CTBP1: variants seen among roughly 807,000 people sequenced by gnomAD.
The protein encoded by CTBP1 is C-terminal-binding protein 1.
CTBP1 carries 11 observed loss-of-function variants against 42.1 expected under a neutral mutation model. That is an observed-to-expected ratio of 0.26 (90% CI 0.16 to 0.43). The LOEUF (loss-of-function observed/expected upper bound fraction) is 0.43. Among genes scored for constraint, CTBP1 ranks in the 20% least tolerant of loss-of-function variants. The probability of loss-of-function intolerance (pLI) is 1.00; values close to 1 mark genes in which losing one functional copy is unlikely to be tolerated. For synonymous variants in CTBP1, 324 were observed against 277.1 expected, an observed-to-expected ratio of 1.17 and a Z score of -1.68; for missense variants, 399 against 624.3, an observed-to-expected ratio of 0.64 and a Z score of 3.85.
chr4:1,214,168 A>C, intron 7 of CTBP1, 175 bp downstream of exon 7: 1 of 807,552 alleles, frequency 1.2e-6, no homozygotes, highest in Non-Finnish European at 1.8e-6. Context: ...AGGCAGGCCT[A>C]GAGCCCGTGG....
chr4:1,213,658 G>T lies in CTBP1; in HGVS notation c.861-53C>A, dbSNP rs1032846198. The T allele has an allele frequency of 6.9e-6, 11 of 1,584,356 alleles. No homozygotes were observed. In the South Asian group the frequency reaches 1.2e-4, roughly 18 times the overall value. On this transcript the variant is annotated intron_variant, in intron 7 of 9. Coordinates refer to ENST00000382952, the MANE Select transcript of CTBP1 (RefSeq NM_001012614.2). ...CAGCCTGAGTGCTGTGGCTGGGTACGGAGGGGAGGTGGCTGGGCACTGGAA... is the reference window on the plus strand; with the variant it reads ...CAGCCTGAGTGCTGTGGCTGGGTACTGAGGGGAGGTGGCTGGGCACTGGAA...
chr4:1,212,768 C>T, intron 9 of CTBP1, 145 bp downstream of exon 9: 2 of 712,614 alleles, frequency 2.8e-6, no homozygotes, highest in East Asian at 5.4e-5. Flanking sequence ...ATGGGCCTTT[C>T]AGGTGAGGTT....
intron 9 of CTBP1, 47 bp from the exon 10 acceptor site, chr4:1,212,470 GC>G: frequency 2.9e-6 from 4 of 1,387,786 alleles, no homozygotes; most frequent in Non-Finnish European, 2.8e-6. Context: ...AGGCGGCCTG[GC>G]CAGGCCCCAC....
In CTBP1 at chr4:1,213,510, T is replaced by G; in HGVS notation, c.956A>C (p.Glu319Ala). 1 of 1,612,238 alleles carries G rather than the reference T, an allele frequency of 6.2e-7. No homozygotes were observed. Among genetic ancestry groups the G allele is most frequent in the Non-Finnish European group, 8.5e-7 (1 of 1,179,708 alleles). Residue 319 changes from glutamate (E) to alanine (A), a missense_variant, in exon 8 of 10, where the codon GAG becomes GCG. Around this residue, in one of 4 missense-constraint regions of CTBP1, gnomAD observed 309 missense variants for 497.5 expected, o/e 0.62. Coordinates refer to ENST00000382952, the MANE Select transcript of CTBP1 (RefSeq NM_001012614.2). ...GGCTCTGCGGATCTCCCGTGCCGCC[T>G]CCTCTCGCATCTCGATGGATGCCTG... ...SEQASIEMREEAAREIRRAIT... is the reference protein window; with the variant it reads ...SEQASIEMREAAAREIRRAIT...
chr4:1,248,488 C>A (rs888352648), intron 1 of CTBP1, among the ~76,000 whole-genome samples: 20 of 150,670 alleles, frequency 1.3e-4, no homozygotes, highest in Non-Finnish European at 2.7e-4. Context: ...GAGCTGCGCA[C>A]GGCTCCCGCC....
intron 1 of CTBP1, chr4:1,248,566 A>T (rs1221560406): frequency 1.1e-5 from 6 of 531,414 alleles, no homozygotes; most frequent in African/African-American, 2.1e-5. Context: ...GGGGATCGGG[A>T]CCCGGGGTGC....
At chr4:1,245,331 C>T (rs1274778609) in intron 1 of CTBP1, 3 of 985,324 alleles carry the variant, frequency 3.0e-6, no homozygotes, top group Non-Finnish European at 3.6e-6. Flanking sequence ...GTTTGTTCAG[C>T]GAGCACATGC....
At position 1,233,958 on chromosome 4, in the gene CTBP1, T is replaced by A. The variant is rs1731224065; in HGVS notation, c.162+4225A>T. 6.6e-6 allele frequency among the ~76,000 whole-genome samples: 1 copy of A among 152,230 alleles called. No individual in the cohort carries two copies. Among genetic ancestry groups the A allele is most frequent in the Admixed American group, 6.5e-5 (1 of 15,282 alleles). On this transcript the variant is annotated intron_variant, in intron 3 of 9. Transcript: ENST00000382952. The surrounding 1 kb of genome is among the most constrained non-coding windows in gnomAD (Gnocchi z 4.6). The stretch of plus-strand genomic sequence containing the variant: ...CACAGCCACGAGGGTCCCTGCCTCC[T>A]GCCTTGTTGCTCCACGGTTCCCAGC...
chr4:1,226,824 G>A (rs1730399567), intron 4 of CTBP1, among the ~76,000 whole-genome samples: 1 of 151,350 alleles, frequency 6.6e-6, no homozygotes, highest in Non-Finnish European at 1.5e-5. Flanking sequence ...GCCCATGGGC[G>A]CCGGCGGAAG....
intron 5 of CTBP1, among the ~76,000 whole-genome samples, chr4:1,223,007 TG>T (rs1729922212): frequency 6.6e-6 from 1 of 151,988 alleles, no homozygotes; most frequent in South Asian, 2.1e-4. Context: ...GGACAGGCGG[TG>T]ACCTGCAGGC....
intron 5 of CTBP1, chr4:1,223,516 G>A (rs937765593): frequency 6.4e-5 from 29 of 455,862 alleles, no homozygotes; most frequent in African/African-American, 5.2e-4. Flanking sequence ...GGGCTGCCTG[G>A]ATGTTTGGGA....
At chr4:1,237,089 C>A (rs1292033661) in intron 3 of CTBP1, 1 of 662,852 alleles carries the variant, frequency 1.5e-6, no homozygotes, top group Admixed American at 2.1e-5. Context: ...CCCGTGTCCA[C>A]CTCCTGATGA....
At chr4:1,230,938 A>G (rs1413782423) in intron 3 of CTBP1, among the ~76,000 whole-genome samples, 2 of 152,234 alleles carry the variant, frequency 1.3e-5, no homozygotes, top group Non-Finnish European at 2.9e-5. Flanking sequence ...TGCCTCCCCG[A>G]CGAGGCTTTC....
At chr4:1,223,242 C>T (rs992087636) in intron 5 of CTBP1, among the ~76,000 whole-genome samples, 6 of 152,100 alleles carry the variant, frequency 3.9e-5, no homozygotes, top group Non-Finnish European at 7.4e-5. Context: ...TAGGAGGGGC[C>T]GCCCAGGCCT....
intron 5 of CTBP1, among the ~76,000 whole-genome samples, chr4:1,218,842 CT>C (rs1483237650): frequency 1.3e-5 from 2 of 151,988 alleles, no homozygotes; most frequent in Non-Finnish European, 2.9e-5. Flanking sequence ...CATTTAACAC[CT>C]GATTAATATA....
intron 3 of CTBP1, among the ~76,000 whole-genome samples, chr4:1,232,471 G>A (rs909847851): frequency 2.0e-5 from 3 of 151,808 alleles, no homozygotes; most frequent in African/African-American, 7.3e-5. Flanking sequence ...ACCACCACGC[G>A]TGGCTAATTT....
chr4:1,248,860 A>ACCCGC lies in CTBP1; in HGVS notation c.-189+51_-189+55dup, dbSNP rs1000365735. The ACCCGC allele has an allele frequency of 2.0e-4, 114 of 562,304 alleles. 2 individuals are homozygous for ACCCGC. The Admixed American group carries it at 5.8e-3, about 29-fold the overall frequency. The allele number at this position is 562,304 out of a possible 1,614,324, so 34.8% of individuals were successfully genotyped here. ...CCCCCGCGCCCCCCGCCCGCGCGGC[A>ACCCGC]CCCGCCCCGCCCCGCCCCCGCCCGC... On this transcript the variant is annotated intron_variant, in intron 1 of 9. Coordinates refer to ENST00000382952, the MANE Select transcript of CTBP1 (RefSeq NM_001012614.2).
chr4:1,245,684 TGGGCAGGGTGGCACGGGC>T, intron 1 of CTBP1: 37 of 954,894 alleles, frequency 3.9e-5, no homozygotes, highest in Non-Finnish European at 4.5e-5. Context: ...GTGGCACGGG[TGGGCAGGGTGGCACGGGC>T]GGGCAGGATG....
chr4:1,214,134 G>A (rs575009538), intron 7 of CTBP1: 100 of 598,570 alleles, frequency 1.7e-4, no homozygotes, highest in African/African-American at 1.3e-3. Context: ...AGGAGGTTGA[G>A]CAGCCCCTCA....
Sources: allele counts gnomAD v4.1 joint callset (sites outside exome capture counted in the v4.1 genomes callset), GRCh38; gene constraint gnomAD v4.1.1; regional missense constraint gnomAD v4.1.1; non-coding constraint Gnocchi (gnomAD v3.1); transcripts MANE v1.5; gene names NCBI Gene and HGNC (gene_info 2026-07-23, HGNC 2026-07-21).